PAM: variants seen among roughly 807,000 people sequenced by gnomAD.
PAM encodes the protein peptidylglycine alpha-amidating monooxygenase, also known as peptidyl-glycine alpha-amidating monooxygenase.
In PAM, 72 loss-of-function variants were observed where a neutral mutation model predicts 122.1. That is an observed-to-expected ratio of 0.59 (90% CI 0.49 to 0.72). The LOEUF is 0.72. Among genes scored for constraint, PAM ranks in the 30% least tolerant of loss-of-function variants. The pLI is 0.00. For missense variants in PAM, 1,106 were observed against 1,183.7 expected, an observed-to-expected ratio of 0.93 and a Z score of 0.96; for synonymous variants, 389 against 404.4, an observed-to-expected ratio of 0.96 and a Z score of 0.46.
At chr5:103,027,159 TC>T (rs1302769985) in intron 24 of PAM, among the ~76,000 whole-genome samples, 1 of 152,200 alleles carries the variant, frequency 6.6e-6, no homozygotes, top group Non-Finnish European at 1.5e-5. Context: ...TAATGGACCT[TC>T]CATTTATTCA....
rs367556579 is a variant in PAM, at chr5:103,007,023, G to C, written c.2014+12G>C. The C allele has an allele frequency of 8.1e-5, 127 of 1,572,974 alleles. No homozygotes were observed. Among genetic ancestry groups the C allele is most frequent in the Non-Finnish European group, 1.1e-4 (121 of 1,146,290 alleles). On this transcript the variant is annotated intron_variant, in intron 19 of 25. Transcript: ENST00000438793. ...ACAGTGGGGAGAAGGTACCCAATAAGACTCTTAATCTCCAGTTGTAATTCT... is the reference window on the plus strand; with the variant it reads ...ACAGTGGGGAGAAGGTACCCAATAACACTCTTAATCTCCAGTTGTAATTCT...
chr5:102,900,769 T>G (rs1218608354), intron 3 of PAM, among the ~76,000 whole-genome samples: 1 of 151,590 alleles, frequency 6.6e-6, no homozygotes, highest in Non-Finnish European at 1.5e-5. Flanking sequence ...TTGATGTTAA[T>G]ATATTTGATA....
intron 1 of PAM, among the ~76,000 whole-genome samples, chr5:102,760,931 T>C: frequency 6.6e-6 from 1 of 152,194 alleles, no homozygotes; most frequent in Non-Finnish European, 1.5e-5. Flanking sequence ...ACAGCGTTAC[T>C]CAAATCATGT....
At chr5:102,761,090 C>T (rs375839590) in intron 1 of PAM, among the ~76,000 whole-genome samples, 157 of 152,306 alleles carry the variant, frequency 1.0e-3, no homozygotes, top group Non-Finnish European at 2.0e-3. Context: ...AGCAGCACCT[C>T]GGCAGTGCCT....
chr5:102,949,345 T>C (rs1351182643), intron 9 of PAM, among the ~76,000 whole-genome samples, 192 bp from the exon 10 acceptor site: 1 of 152,042 alleles, frequency 6.6e-6, no homozygotes, highest in Non-Finnish European at 1.5e-5. Context: ...AATAAAAATA[T>C]AAGGCAAGGG....
chr5:102,978,059 G>A (rs910921300), intron 15 of PAM, among the ~76,000 whole-genome samples: 3 of 152,164 alleles, frequency 2.0e-5, no homozygotes, highest in African/African-American at 7.2e-5. Context: ...TTACTGTCAT[G>A]TTATGTTAGA....
chr5:102,787,806 T>TGA, intron 1 of PAM, among the ~76,000 whole-genome samples: 1 of 151,998 alleles, frequency 6.6e-6, no homozygotes, highest in Admixed American at 6.6e-5. Flanking sequence ...AAATGTTGGG[T>TGA]ATTTCCAGTA....
chr5:102,889,586 A>T (rs1794161110), intron 3 of PAM, among the ~76,000 whole-genome samples: 1 of 151,882 alleles, frequency 6.6e-6, no homozygotes, highest in Non-Finnish European at 1.5e-5. Context: ...TTAATGGAAC[A>T]TTGATATCAT....
At chr5:102,873,346 C>A (rs1054789250) in intron 3 of PAM, 3 of 152,146 alleles carry the variant, frequency 2.0e-5, no homozygotes, top group Non-Finnish European at 2.9e-5. Flanking sequence ...AAACCAACAG[C>A]CTTTTGGGCA....
chr5:102,968,446 T>C (rs1451396133), intron 14 of PAM, among the ~76,000 whole-genome samples: 1 of 152,170 alleles, frequency 6.6e-6, no homozygotes, highest in Non-Finnish European at 1.5e-5. Flanking sequence ...TTAATAGAGA[T>C]TAAACGTATT....
At chr5:102,832,377 C>T (rs1376070567) in intron 1 of PAM, among the ~76,000 whole-genome samples, 1 of 151,976 alleles carries the variant, frequency 6.6e-6, no homozygotes, top group African/African-American at 2.4e-5. Flanking sequence ...TTCCTATGTA[C>T]AGCAGTTCCC....
intron 15 of PAM, 40 bp from the exon 16 acceptor site, chr5:102,990,232 C>T: frequency 6.9e-7 from 1 of 1,451,224 alleles, no homozygotes; most frequent in Non-Finnish European, 9.2e-7. Context: ...GGCAATTCGA[C>T]CTTTCCCTTT....
At chr5:102,885,898 C>CTT (rs1792932527) in intron 3 of PAM, among the ~76,000 whole-genome samples, 1 of 151,934 alleles carries the variant, frequency 6.6e-6, no homozygotes, top group African/African-American at 2.4e-5. Flanking sequence ...CCGCCCACAG[C>CTT]ATTCACCAGT....
chr5:102,940,428 G>GTATA (rs535846318), intron 7 of PAM, among the ~76,000 whole-genome samples: 1 of 146,666 alleles, frequency 6.8e-6, no homozygotes, highest in Non-Finnish European at 1.5e-5. Context: ...CATTTAAAGT[G>GTATA]TATATATATA....
chr5:102,869,155 G>A lies in PAM; in HGVS notation c.210+1762G>A, dbSNP rs187560189. 2.0e-5 allele frequency among the ~76,000 whole-genome samples: 3 copies of A among 152,280 alleles called. No homozygotes were observed. In the East Asian group the frequency reaches 5.8e-4, roughly 29 times the overall value. On this transcript the variant is annotated intron_variant, in intron 3 of 25. Transcript: ENST00000438793. Reference sequence around the variant, plus strand: ...GCTTCCTACCCAGACTCCAGAGATGGAACACATGGACCGTGATTGATAATT... The same window carrying A: ...GCTTCCTACCCAGACTCCAGAGATGAAACACATGGACCGTGATTGATAATT...
At position 103,003,123 on chromosome 5, in the gene PAM, A is replaced by G; in HGVS notation, c.1704A>G (p.Ala568=). The G allele has an allele frequency of 6.4e-7, 1 of 1,557,928 alleles. No individual in the cohort carries two copies. Among genetic ancestry groups the G allele is most frequent in the South Asian group, 1.1e-5 (1 of 89,994 alleles). The change falls in exon 17 of 26, where the codon GCA becomes GCG. Residue 568 remains alanine (A), a synonymous_variant. Transcript: ENST00000438793. ...TTGTCATAGATCCAAATAATGCTGCAGTACTCCAGTCCAGTGGAAAAAATC... is the reference window on the plus strand; with the variant it reads ...TTGTCATAGATCCAAATAATGCTGCGGTACTCCAGTCCAGTGGAAAAAATC... ...TILVIDPNNA[A]VLQSSGKNLF...
chr5:102,809,616 T>C (rs1451764018), intron 1 of PAM, among the ~76,000 whole-genome samples: 2 of 152,208 alleles, frequency 1.3e-5, no homozygotes, highest in Non-Finnish European at 2.9e-5. Flanking sequence ...AAATTTGCAT[T>C]TTGTTTCTTG....
chr5:102,816,493 T>C (rs1769839870), intron 1 of PAM, among the ~76,000 whole-genome samples: 1 of 152,136 alleles, frequency 6.6e-6, no homozygotes, highest in South Asian at 2.1e-4. Context: ...TTGGTAACTC[T>C]TGAACCCACT....
At chr5:102,913,809 G>C (rs1425162690) in intron 4 of PAM, 125 bp from the exon 5 acceptor site, 1 of 614,072 alleles carries the variant, frequency 1.6e-6, no homozygotes, top group Non-Finnish European at 3.0e-6. Context: ...CAGGGCATTT[G>C]ATCACAAGAA....
Sources: allele counts gnomAD v4.1 joint callset (sites outside exome capture counted in the v4.1 genomes callset), GRCh38; gene constraint gnomAD v4.1.1; transcripts MANE v1.5; gene names NCBI Gene and HGNC (gene_info 2026-07-23, HGNC 2026-07-21).